Variants in CEACAM1 observed in about 807,000 individuals in gnomAD.
The protein encoded by CEACAM1 is CEA cell adhesion molecule 1.
In CEACAM1, 31 loss-of-function variants were observed where a neutral mutation model predicts 49.1. The observed-to-expected ratio is 0.63, with a 90% CI of 0.47 to 0.85. The LOEUF is 0.85. Ranked by LOEUF, CEACAM1 falls within the 40% of genes least tolerant of loss-of-function variation. The probability of loss-of-function intolerance (pLI) is 0.00; values close to 1 mark genes in which losing one functional copy is unlikely to be tolerated. For missense variants in CEACAM1, 570 were observed against 645.3 expected (o/e 0.88, Z 1.26); for synonymous variants, 244 against 247.8 (o/e 0.98, Z 0.14).
intron 6 of CEACAM1, 117 bp downstream of exon 6, chr19:42,512,230 CAGG>C: frequency 8.7e-7 from 1 of 1,147,286 alleles, no homozygotes. Context: ...TGCCGAGAAG[CAGG>C]AGTTTAGTGG....
intron 5 of CEACAM1, among the ~76,000 whole-genome samples, chr19:42,515,316 A>G (rs1169992664): frequency 6.6e-6 from 1 of 152,176 alleles, no homozygotes; most frequent in East Asian, 1.9e-4. Flanking sequence ...AGGCATTCAC[A>G]GTGCAATTTT....
chr19:42,522,188 G>C lies in CEACAM1; in HGVS notation c.439C>G (p.Pro147Ala). ...QFHVYPELPKPSISSNNSNPV... is the reference protein window; with the variant it reads ...QFHVYPELPKASISSNNSNPV... Reference sequence around the variant, plus strand: ...TTGGAGTTGTTGCTGGAGATGGAGGGCTTGGGCAGCTCCGCTATGCAGAAA... The same window carrying C: ...TTGGAGTTGTTGCTGGAGATGGAGGCCTTGGGCAGCTCCGCTATGCAGAAA... Residue 147 changes from proline (P) to alanine (A), a missense_variant, in exon 3 of 9, where the codon CCC (proline) becomes GCC (alanine). Coordinates refer to ENST00000161559, the MANE Select transcript of CEACAM1 (RefSeq NM_001712.5). The C allele has an allele frequency of 1.9e-6, 3 of 1,614,242 alleles. No individual in the cohort carries two copies. Among genetic ancestry groups the C allele is most frequent in the Non-Finnish European group, 2.5e-6 (3 of 1,180,048 alleles).
chr19:42,514,060 A>G (rs896211652), intron 5 of CEACAM1, among the ~76,000 whole-genome samples: 6 of 138,564 alleles, frequency 4.3e-5, no homozygotes, highest in Non-Finnish European at 9.1e-5. Context: ...GGATCAAGTG[A>G]TCCTCCCACC....
intron 8 of CEACAM1, 37 bp downstream of exon 8, chr19:42,510,852 A>T (rs371121061): frequency 6.3e-7 from 1 of 1,576,238 alleles, no homozygotes; most frequent in Non-Finnish European, 8.7e-7. Flanking sequence ...AATCATTTCC[A>T]TGAGAAAATA....
At position 42,527,039 on chromosome 19, in the gene CEACAM1, A is replaced by G. The variant is rs1403423639; in HGVS notation, c.424+2T>C. 6.3e-7 allele frequency: 1 copy of G among 1,590,960 alleles called. No individual in the cohort carries two copies. ...ACCCAGAGGTCATGGGGAAATACTC[A>G]CGGTATACATGGAACTGTCCAGTTG... On this transcript the variant is annotated splice_donor_variant, in intron 2 of 8. Coordinates refer to ENST00000161559, the MANE Select transcript of CEACAM1 (RefSeq NM_001712.5). LOFTEE classifies it high-confidence loss of function.
Position 42,508,931 on chromosome 19 carries a change from A to G in CEACAM1, c.*178T>C, listed in dbSNP as rs1349170307. 6 of 619,714 alleles carry G rather than the reference A, an allele frequency of 9.7e-6. No homozygotes were observed. Among genetic ancestry groups the G allele is most frequent in the African/African-American group, 7.6e-5 (4 of 52,450 alleles). The allele number at this position is 619,714 out of a possible 1,614,324, so 38.4% of individuals were successfully genotyped here. On this transcript the variant is annotated 3_prime_UTR_variant, in exon 9 of 9. Transcript: ENST00000161559. Reference sequence around the variant, plus strand: ...ACAGACTCCCAATGTACTTTCATCTATTGACACTGAGAGAGGGGCAGTGAC... The same window carrying G: ...ACAGACTCCCAATGTACTTTCATCTGTTGACACTGAGAGAGGGGCAGTGAC...
chr19:42,514,591 T>A (rs1349623703), intron 5 of CEACAM1, among the ~76,000 whole-genome samples: 3 of 152,246 alleles, frequency 2.0e-5, no homozygotes, highest in Non-Finnish European at 2.9e-5. Flanking sequence ...TTCTTGTTTA[T>A]ATCTGTTGCA....
At chr19:42,522,811 CCCAAAGT>C (rs980410662) in intron 2 of CEACAM1, among the ~76,000 whole-genome samples, 1 of 152,150 alleles carries the variant, frequency 6.6e-6, no homozygotes. Context: ...GCCTCGGCCT[CCCAAAGT>C]GCTGGGATTC....
chr19:42,521,004 C>G, intron 4 of CEACAM1: 2 of 468,536 alleles, frequency 4.3e-6, no homozygotes, highest in Non-Finnish European at 7.7e-6. Context: ...CTCTGTGAAG[C>G]CCCTCCTGCT....
Position 42,528,376 on chromosome 19 carries a change from G to A in CEACAM1, c.-2C>T, listed in dbSNP as rs1453070095. ...AAGTGGGGCTGAGAGGTGCCCCATG[G>A]TGTCTCCTGCTGGCCCTGTCTTCAC... is the stretch of plus-strand genomic sequence containing the variant. On this transcript the variant is annotated 5_prime_UTR_variant, in exon 1 of 9. Transcript: ENST00000161559. 9 of 1,613,680 alleles carry A rather than the reference G, an allele frequency of 5.6e-6. No individual in the cohort carries two copies. The highest frequency in any genetic ancestry group is 7.6e-6 in the Non-Finnish European group (9 of 1,179,856).
intron 3 of CEACAM1, 100 bp downstream of exon 3, chr19:42,521,824 G>A (rs1568661314): frequency 6.3e-6 from 10 of 1,598,116 alleles, no homozygotes; most frequent in Non-Finnish European, 8.6e-6. Flanking sequence ...CAGGGTTAAG[G>A]GTCTGCGTCC....
chr19:42,509,862 A>G (rs1052646496), intron 8 of CEACAM1, among the ~76,000 whole-genome samples: 1 of 152,150 alleles, frequency 6.6e-6, no homozygotes, highest in Admixed American at 6.5e-5. Context: ...CCTGACTTCT[A>G]GTGATCCACC....
At chr19:42,520,344 G>A (rs2041712426) in intron 4 of CEACAM1, among the ~76,000 whole-genome samples, 1 of 152,158 alleles carries the variant, frequency 6.6e-6, no homozygotes, top group African/African-American at 2.4e-5. Context: ...GGAGGCTCAG[G>A]TGTTGACTGC....
intron 2 of CEACAM1, among the ~76,000 whole-genome samples, chr19:42,523,832 T>TA (rs768175617): frequency 4.6e-5 from 7 of 152,352 alleles, no homozygotes; most frequent in South Asian, 2.1e-4. Context: ...AGGATCATGT[T>TA]ATGATCAAAG....
rs2041393051 is a variant in CEACAM1, at chr19:42,509,137, A to G, written c.1553T>C (p.Ile518Thr). ...CTGCTTTTTTACTTCTGAATAAATT[A>G]TTTCTGTGGCTGTTAGGGATGGGGA... Reference protein sequence around the residue: ...SASPSLTATEIIYSEVKKQ With the variant: ...SASPSLTATETIYSEVKKQ The change falls in exon 9 of 9, where the codon ATA (isoleucine) becomes ACA (threonine). Residue 518 changes from isoleucine to threonine, a missense_variant. Coordinates refer to ENST00000161559, the MANE Select transcript of CEACAM1 (RefSeq NM_001712.5). The G allele has an allele frequency of 1.2e-6, 2 of 1,614,146 alleles. No individual in the cohort carries two copies. Among genetic ancestry groups the G allele is most frequent in the East Asian group, 4.5e-5 (2 of 44,886 alleles).
intron 2 of CEACAM1, among the ~76,000 whole-genome samples, chr19:42,524,182 G>A (rs1413511929): frequency 6.6e-6 from 1 of 152,200 alleles, no homozygotes; most frequent in Non-Finnish European, 1.5e-5. Flanking sequence ...AGTGGCTAAT[G>A]CATCTCCCTG....
intron 1 of CEACAM1, chr19:42,527,653 C>G: frequency 1.3e-5 from 6 of 461,658 alleles, no homozygotes; most frequent in Non-Finnish European, 2.3e-5. Flanking sequence ...GCTCCCTCCC[C>G]ACTGCCCTCA....
intron 4 of CEACAM1, chr19:42,519,544 A>T (rs1051719661): frequency 1.3e-4 from 35 of 265,998 alleles, no homozygotes; most frequent in African/African-American, 7.8e-4. Context: ...CAACCTCATC[A>T]TCAGGTAGAA....
chr19:42,512,721 A>G (rs1394194331), intron 5 of CEACAM1, among the ~76,000 whole-genome samples: 2 of 145,468 alleles, frequency 1.4e-5, no homozygotes, highest in African/African-American at 5.2e-5. Flanking sequence ...TCTGTCTCTC[A>G]GGCTGGAGTG....
Sources: allele counts gnomAD v4.1 joint callset (sites outside exome capture counted in the v4.1 genomes callset), GRCh38; gene constraint gnomAD v4.1.1; transcripts MANE v1.5; gene names NCBI Gene and HGNC (gene_info 2026-07-23, HGNC 2026-07-21).